The following CALN1 variants were observed in gnomAD, a reference collection of about 807,000 sequenced individuals.
CALN1 encodes the protein calcium-binding protein 8.
Under a neutral mutation model 30.6 loss-of-function variants are expected in CALN1, and 17 were observed. The ratio of observed to expected loss-of-function variants is 0.56; its 90% CI spans 0.38 to 0.83. The LOEUF (loss-of-function observed/expected upper bound fraction) is 0.83, where lower values mean the gene tolerates loss of function less well. Ranked by LOEUF, CALN1 falls within the 40% of genes least tolerant of loss-of-function variation. The pLI, the probability that CALN1 is intolerant of heterozygous loss-of-function variation, is 0.00. For missense variants in CALN1, 291 were observed against 354.9 expected, an observed-to-expected ratio of 0.82 and a Z score of 1.45; for synonymous variants, 156 against 131.4, an observed-to-expected ratio of 1.19 and a Z score of -1.28.
upstream of CALN1, among the ~76,000 whole-genome samples, chr7:72,417,111 G>A (rs2129563512): frequency 6.6e-6 from 1 of 152,344 alleles, no homozygotes; most frequent in Middle Eastern, 3.4e-3. Context: ...TACAGGCGGA[G>A]GGCGGTCCCA....
chr7:72,014,200 C>A (rs886754573), intron 5 of CALN1, among the ~76,000 whole-genome samples: 2 of 151,752 alleles, frequency 1.3e-5, no homozygotes, highest in Non-Finnish European at 2.9e-5. Flanking sequence ...GATTCCCCTG[C>A]CTCAGCCTCC....
At chr7:72,135,111 C>T (rs569718288) in intron 3 of CALN1, among the ~76,000 whole-genome samples, 4 of 152,348 alleles carry the variant, frequency 2.6e-5, no homozygotes, top group African/African-American at 9.6e-5. Flanking sequence ...CTCCCCTTCT[C>T]TTGCTATTTC....
intron 6 of CALN1, among the ~76,000 whole-genome samples, chr7:71,802,172 T>C (rs1787349982): frequency 6.6e-6 from 1 of 152,122 alleles, no homozygotes; most frequent in Non-Finnish European, 1.5e-5. Flanking sequence ...ATAGATAGTA[T>C]AATGTGTCAT....
chr7:71,792,306 C>T (rs555787855), intron 6 of CALN1, among the ~76,000 whole-genome samples: 2 of 152,284 alleles, frequency 1.3e-5, no homozygotes, highest in African/African-American at 4.8e-5. Flanking sequence ...AGTGAGCCAG[C>T]CGCAACCCCC....
At chr7:72,349,798 GC>G (rs1452656990) in intron 2 of CALN1, among the ~76,000 whole-genome samples, 1 of 152,014 alleles carries the variant, frequency 6.6e-6, no homozygotes, top group Non-Finnish European at 1.5e-5. Flanking sequence ...TCTGCTTTTT[GC>G]TTGTTAATTT....
chr7:71,855,966 G>A (rs544573833), intron 5 of CALN1, among the ~76,000 whole-genome samples: 12 of 152,060 alleles, frequency 7.9e-5, no homozygotes, highest in Non-Finnish European at 1.5e-4. Context: ...GTCTGTGTGC[G>A]TGCACATTAT....
At chr7:72,363,054 G>C (rs747489231) in intron 2 of CALN1, among the ~76,000 whole-genome samples, 1 of 152,126 alleles carries the variant, frequency 6.6e-6, no homozygotes, top group African/African-American at 2.4e-5. Flanking sequence ...TTAAGTTCAG[G>C]GGGTACATGT....
At chr7:71,927,626 G>A (rs1367055986) in intron 5 of CALN1, among the ~76,000 whole-genome samples, 2 of 152,142 alleles carry the variant, frequency 1.3e-5, no homozygotes, top group African/African-American at 2.4e-5. Flanking sequence ...CTGTACCTCA[G>A]AGAAGGTCCC....
chr7:72,331,892 C>T (rs529562982), intron 2 of CALN1, among the ~76,000 whole-genome samples: 3 of 151,418 alleles, frequency 2.0e-5, no homozygotes, highest in African/African-American at 4.8e-5. Flanking sequence ...TGTGTTTGTG[C>T]ATCCCCATGG....
intron 3 of CALN1, among the ~76,000 whole-genome samples, chr7:72,225,716 T>G (rs1227567464): frequency 3.9e-5 from 6 of 152,052 alleles, no homozygotes; most frequent in Non-Finnish European, 7.3e-5. Flanking sequence ...TGCGAGAAAA[T>G]CAAACTCAGC....
upstream of CALN1, among the ~76,000 whole-genome samples, chr7:72,449,369 C>A (rs1808610747): frequency 6.6e-6 from 1 of 152,174 alleles, no homozygotes; most frequent in African/African-American, 2.4e-5. Context: ...GGAATGGCCA[C>A]AATCTCCCAG....
intron 3 of CALN1, among the ~76,000 whole-genome samples, chr7:72,207,846 A>C (rs547923204): frequency 6.6e-6 from 1 of 152,204 alleles, no homozygotes; most frequent in Non-Finnish European, 1.5e-5. Context: ...ATGCATATAT[A>C]TTACTTTTAT....
chr7:72,469,230 T>G, the CALN1 span, among the ~76,000 whole-genome samples: 1 of 152,154 alleles, frequency 6.6e-6, no homozygotes, highest in Non-Finnish European at 1.5e-5. Context: ...GGAGTTTTCT[T>G]GTTTGTTTGT....
intron 5 of CALN1, among the ~76,000 whole-genome samples, chr7:72,014,901 G>A (rs1054525483): frequency 2.0e-5 from 3 of 151,724 alleles, no homozygotes; most frequent in Non-Finnish European, 2.9e-5. Flanking sequence ...GGGCTGAAGC[G>A]ATCCTCCGCC....
At chr7:71,834,460 G>A (rs1584329419) in intron 5 of CALN1, among the ~76,000 whole-genome samples, 1 of 151,682 alleles carries the variant, frequency 6.6e-6, no homozygotes, top group African/African-American at 2.4e-5. Context: ...GGAACAGCAA[G>A]GTAAGGAATG....
At chr7:72,408,490 A>C (rs561057526) in intron 1 of CALN1, among the ~76,000 whole-genome samples, 1 of 151,968 alleles carries the variant, frequency 6.6e-6, no homozygotes, top group East Asian at 1.9e-4. Flanking sequence ...GACTCTCTAG[A>C]CGTGAAGGTC....
intron 3 of CALN1, among the ~76,000 whole-genome samples, chr7:72,192,789 G>A (rs1404366271): frequency 1.4e-5 from 2 of 144,640 alleles, no homozygotes; most frequent in East Asian, 4.1e-4. Flanking sequence ...ATCTCCCGAT[G>A]CTATCCCTCC....
At chr7:71,883,694 C>T (rs1391731242) in intron 5 of CALN1, among the ~76,000 whole-genome samples, 1 of 152,228 alleles carries the variant, frequency 6.6e-6, no homozygotes, top group Non-Finnish European at 1.5e-5. Flanking sequence ...TACTGTAAAT[C>T]CCGCCCTTAG....
At chr7:71,898,393 A>T (rs1793667303) in intron 5 of CALN1, among the ~76,000 whole-genome samples, 1 of 152,170 alleles carries the variant, frequency 6.6e-6, no homozygotes, top group African/African-American at 2.4e-5. Context: ...GTGTAACAGC[A>T]GATTGGACAT....
Sources: allele counts gnomAD v4.1 joint callset (sites outside exome capture counted in the v4.1 genomes callset), GRCh38; gene constraint gnomAD v4.1.1; transcripts MANE v1.5; gene names NCBI Gene and HGNC (gene_info 2026-07-23, HGNC 2026-07-21).